Variants in KCNJ6 observed in about 807,000 individuals in gnomAD.
The protein encoded by KCNJ6 is G protein-activated inward rectifier potassium channel 2.
Under a neutral mutation model 34.2 loss-of-function variants are expected in KCNJ6, and 9 were observed. That is an observed-to-expected ratio of 0.26 (90% CI 0.16 to 0.46). The LOEUF is 0.46. Among genes scored for constraint, KCNJ6 ranks in the 20% least tolerant of loss-of-function variants. The probability of loss-of-function intolerance (pLI) is 1.00; values close to 1 mark genes in which losing one functional copy is unlikely to be tolerated. For missense variants in KCNJ6, 236 were observed against 531.3 expected (o/e 0.44, Z 5.46); for synonymous variants, 196 against 207.1 (o/e 0.95, Z 0.46).
chr21:37,656,737 A>T (rs189697849), intron 3 of KCNJ6, among the ~76,000 whole-genome samples: 1 of 152,312 alleles, frequency 6.6e-6, no homozygotes, highest in African/African-American at 2.4e-5. Context: ...CACTGTCCTC[A>T]AAACTTGAGG....
intron 2 of KCNJ6, among the ~76,000 whole-genome samples, chr21:37,775,510 CTTGAA>C (rs2055137948): frequency 6.6e-6 from 1 of 152,116 alleles, no homozygotes; most frequent in Non-Finnish European, 1.5e-5. Context: ...TTTAATCCAT[CTTGAA>C]TTAATTTTTG....
chr21:37,854,676 G>T (rs993192955), intron 1 of KCNJ6, among the ~76,000 whole-genome samples: 1 of 152,200 alleles, frequency 6.6e-6, no homozygotes, highest in Non-Finnish European at 1.5e-5. Flanking sequence ...ATATATGTTT[G>T]AGGTGATGGA....
At chr21:37,774,752 A>T (rs372194016) in intron 2 of KCNJ6, among the ~76,000 whole-genome samples, 6 of 152,086 alleles carry the variant, frequency 3.9e-5, no homozygotes, top group African/African-American at 9.7e-5. Flanking sequence ...TCTATCATTG[A>T]TGGACATTTG....
chr21:37,647,812 A>G (rs946355216), intron 3 of KCNJ6, among the ~76,000 whole-genome samples: 3 of 152,106 alleles, frequency 2.0e-5, no homozygotes, highest in African/African-American at 7.2e-5. Context: ...CTGCCCCCCA[A>G]TGACATGGTG....
intron 2 of KCNJ6, among the ~76,000 whole-genome samples, chr21:37,833,294 C>T (rs2055435797): frequency 6.6e-6 from 1 of 152,188 alleles, no homozygotes; most frequent in Admixed American, 6.5e-5. Flanking sequence ...GGATTACAGG[C>T]ATGAGCCACT....
At chr21:37,719,128 GTGGGGTA>G (rs2054810544) in intron 2 of KCNJ6, among the ~76,000 whole-genome samples, 1 of 152,124 alleles carries the variant, frequency 6.6e-6, no homozygotes, top group Non-Finnish European at 1.5e-5. Context: ...AGGAGAGGGT[GTGGGGTA>G]TGGGGTGGGT....
chr21:37,814,891 T>C (rs1255989295), intron 2 of KCNJ6, among the ~76,000 whole-genome samples: 7 of 121,504 alleles, frequency 5.8e-5, no homozygotes, highest in Non-Finnish European at 1.1e-4. Flanking sequence ...AGCGAGACTC[T>C]GTCTCAAAAA....
At chr21:37,638,884 T>C (rs963123441) in intron 3 of KCNJ6, among the ~76,000 whole-genome samples, 2 of 152,264 alleles carry the variant, frequency 1.3e-5, no homozygotes, top group Non-Finnish European at 2.9e-5. Context: ...ACAACCTGTA[T>C]ATGTAGGCTC....
At chr21:37,630,468 A>T (rs2054329238) in intron 3 of KCNJ6, among the ~76,000 whole-genome samples, 1 of 152,180 alleles carries the variant, frequency 6.6e-6, no homozygotes, top group African/African-American at 2.4e-5. Context: ...CTATACAGAA[A>T]CAGCTTAATA....
rs578035466 is a variant in KCNJ6 at position 37,761,436 on chromosome 21, T to C, written c.26-46305A>G. ...TATGTGGTGTGTGTGTTGTGTTGTG[T>C]GTGTATATTTGTGTGTGTTGTGTGT... is the stretch of plus-strand genomic sequence containing the variant. On this transcript the variant is annotated intron_variant, in intron 2 of 3. Coordinates refer to ENST00000609713, the MANE Select transcript of KCNJ6 (RefSeq NM_002240.5). 2.5e-4 allele frequency among the ~76,000 whole-genome samples: 38 copies of C among 151,308 alleles called. No homozygotes were observed. In the East Asian group the frequency reaches 7.2e-3, roughly 29 times the overall value.
chr21:37,900,408 A>C (rs746059875), intron 1 of KCNJ6, among the ~76,000 whole-genome samples: 1 of 152,252 alleles, frequency 6.6e-6, no homozygotes, highest in Non-Finnish European at 1.5e-5. Context: ...TACTATGTGC[A>C]GGACATCAAC....
At position 37,623,893 on chromosome 21, in the gene KCNJ6, A is replaced by G. The variant is rs959049196; in HGVS notation, c.*1266T>C. On this transcript the variant is annotated 3_prime_UTR_variant, in exon 4 of 4. Coordinates refer to ENST00000609713, the MANE Select transcript of KCNJ6 (RefSeq NM_002240.5). ...CGAGATGTCATTCTCAGAAAGCCAG[A>G]TAGAGTCAAAGTGAGAGGTCGATGA... 1.3e-5 allele frequency: 2 copies of G among 152,358 alleles called. No homozygotes were observed. The highest frequency in any genetic ancestry group is 4.8e-5 in the African/African-American group (2 of 41,590). 9.4% of individuals were successfully genotyped at this position (152,358 alleles called of 1,614,324 possible). A position where few individuals can be genotyped will look rare whatever the true frequency, so the allele number is the denominator to read the frequency against.
At chr21:37,874,126 G>A (rs918106801) in intron 1 of KCNJ6, among the ~76,000 whole-genome samples, 4 of 152,116 alleles carry the variant, frequency 2.6e-5, no homozygotes, top group Admixed American at 2.6e-4. Context: ...CCTGCTCCCT[G>A]GAAGCTGCTC....
At chr21:37,846,181 G>T (rs192806745) in intron 1 of KCNJ6, among the ~76,000 whole-genome samples, 13 of 152,198 alleles carry the variant, frequency 8.5e-5, no homozygotes, top group East Asian at 1.9e-4. Context: ...TGCTTGTGGG[G>T]GTGTGTGTGT....
At chr21:37,637,894 C>A (rs1342768540) in intron 3 of KCNJ6, among the ~76,000 whole-genome samples, 1 of 152,150 alleles carries the variant, frequency 6.6e-6, no homozygotes, top group Non-Finnish European at 1.5e-5. Flanking sequence ...GGCAGAGAGC[C>A]CTAAGCAGAA....
rs146037972 is a variant in KCNJ6 at position 37,788,959 on chromosome 21, C to T, written c.25+51699G>A. ...GAGCCCCCTTTAGGAAAAAAATGAC[C>T]GGTATTGTAGAGTCATCATCGAAAA... On this transcript the variant is annotated intron_variant, in intron 2 of 3. Coordinates refer to ENST00000609713, the MANE Select transcript of KCNJ6 (RefSeq NM_002240.5). Among the ~76,000 whole-genome samples, 42 of 152,224 alleles carry T rather than the reference C, an allele frequency of 2.8e-4. No individual in the cohort carries two copies. In the East Asian group the frequency reaches 6.0e-3, roughly 22 times the overall value.
intron 2 of KCNJ6, among the ~76,000 whole-genome samples, chr21:37,749,347 C>T (rs539146158): frequency 2.6e-5 from 4 of 152,258 alleles, no homozygotes; most frequent in East Asian, 3.9e-4. Context: ...ATAAAGTACG[C>T]GTGGGCAAGG....
chr21:37,729,443 C>T (rs1450126163), intron 2 of KCNJ6, among the ~76,000 whole-genome samples: 1 of 152,150 alleles, frequency 6.6e-6, no homozygotes. Context: ...CCCACCTCAG[C>T]CCCCTAAGTA....
intron 1 of KCNJ6, among the ~76,000 whole-genome samples, chr21:37,911,091 T>C (rs756753512): frequency 6.6e-6 from 1 of 152,248 alleles, no homozygotes; most frequent in Non-Finnish European, 1.5e-5. Context: ...TATTTAATGT[T>C]ATTAAAATGA....
Sources: allele counts gnomAD v4.1 joint callset (sites outside exome capture counted in the v4.1 genomes callset), GRCh38; gene constraint gnomAD v4.1.1; transcripts MANE v1.5; gene names NCBI Gene and HGNC (gene_info 2026-07-23, HGNC 2026-07-21).